CSMD1: variants seen among roughly 807,000 people sequenced by gnomAD.
The protein encoded by CSMD1 is CUB and Sushi multiple domains 1, also known as CUB and sushi domain-containing protein 1.
A neutral mutation model predicts 417.5 loss-of-function variants in CSMD1; 213 were observed. That is an observed-to-expected ratio of 0.51 (90% CI 0.46 to 0.57). The LOEUF (loss-of-function observed/expected upper bound fraction) is 0.57, where lower values mean the gene tolerates loss of function less well. CSMD1 is among the 20% of genes least tolerant of loss of function. The pLI, the probability that CSMD1 is intolerant of heterozygous loss-of-function variation, is 0.00. For synonymous variants in CSMD1, 2,862 were observed against 1,736.8 expected, an observed-to-expected ratio of 1.65 and a Z score of -16.11; for missense variants, 6,923 against 4,529.7, an observed-to-expected ratio of 1.53 and a Z score of -15.17.
At chr8:3,124,962 T>C (rs1016950812) in intron 41 of CSMD1, among the ~76,000 whole-genome samples, 1 of 152,212 alleles carries the variant, frequency 6.6e-6, no homozygotes, top group African/African-American at 2.4e-5. Context: ...TACACTATTT[T>C]TTGGTCTTTG....
intron 49 of CSMD1, among the ~76,000 whole-genome samples, chr8:3,062,891 A>C (rs562418191): frequency 3.5e-4 from 54 of 152,322 alleles, no homozygotes; most frequent in African/African-American, 1.2e-3. Flanking sequence ...AGTGTTGTTC[A>C]AAAGAGACAG....
At chr8:4,815,251 C>T (rs1295995581) in intron 1 of CSMD1, among the ~76,000 whole-genome samples, 2 of 150,812 alleles carry the variant, frequency 1.3e-5, no homozygotes, top group Non-Finnish European at 3.0e-5. Flanking sequence ...CCACAATTAA[C>T]AATTTATTTG....
At chr8:2,954,939 T>C (rs1050130567) in intron 64 of CSMD1, among the ~76,000 whole-genome samples, 1 of 152,144 alleles carries the variant, frequency 6.6e-6, no homozygotes, top group South Asian at 2.1e-4. Flanking sequence ...ACGCCATCAT[T>C]TTTGGTTTAT....
At chr8:4,037,535 A>G (rs1484227684) in intron 3 of CSMD1, among the ~76,000 whole-genome samples, 1 of 152,226 alleles carries the variant, frequency 6.6e-6, no homozygotes, top group East Asian at 1.9e-4. Flanking sequence ...GAATTTGAAA[A>G]ACACAAATCA....
In CSMD1 at chr8:3,412,917, T is replaced by C. The variant is rs142981415; in HGVS notation, c.1562-3312A>G. On this transcript the variant is annotated intron_variant, in intron 12 of 69. Transcript: ENST00000635120. ...AAGAGCTCTTGTTTGTTGTGGGCTC[T>C]CCATTGGGAAGCTGGGCTGGGCGCC... 8.4e-3 allele frequency among the ~76,000 whole-genome samples: 1,275 copies of C among 152,304 alleles called. 8 individuals are homozygous for C. The highest frequency in any genetic ancestry group is 0.014 in the Admixed American group (214 of 15,308).
chr8:3,826,358 G>A (rs949512799), intron 5 of CSMD1, among the ~76,000 whole-genome samples: 8 of 152,222 alleles, frequency 5.3e-5, no homozygotes, highest in South Asian at 2.1e-4. Flanking sequence ...TTTGAAAATT[G>A]CCTCTGATGC....
chr8:4,016,038 T>A (rs984680477), intron 4 of CSMD1, among the ~76,000 whole-genome samples: 8 of 152,182 alleles, frequency 5.3e-5, no homozygotes, highest in Non-Finnish European at 1.2e-4. Context: ...ACATGACATC[T>A]AAGCTCTCAG....
intron 5 of CSMD1, among the ~76,000 whole-genome samples, chr8:3,914,462 T>C (rs554427977): frequency 2.6e-5 from 4 of 152,270 alleles, no homozygotes; most frequent in Admixed American, 6.5e-5. Flanking sequence ...CTAATTATTA[T>C]TATATCATGT....
At chr8:4,198,738 A>T (rs976869173) in intron 3 of CSMD1, among the ~76,000 whole-genome samples, 5 of 152,076 alleles carry the variant, frequency 3.3e-5, no homozygotes, top group Non-Finnish European at 7.4e-5. Flanking sequence ...TTTCTTTGTA[A>T]TCTATACTTT....
chr8:4,306,048 C>A (rs971927187), intron 3 of CSMD1, among the ~76,000 whole-genome samples: 1 of 152,108 alleles, frequency 6.6e-6, no homozygotes, highest in African/African-American at 2.4e-5. Flanking sequence ...TAAGTATGCA[C>A]ATTACTGGAC....
chr8:3,451,136 T>G (rs10111049), intron 12 of CSMD1, among the ~76,000 whole-genome samples: 1 of 152,188 alleles, frequency 6.6e-6, no homozygotes, highest in Non-Finnish European at 1.5e-5. Context: ...TCTGTTCATA[T>G]CCTTCGCCCA....
chr8:4,463,050 A>C (rs898739802), intron 2 of CSMD1, among the ~76,000 whole-genome samples: 1 of 152,186 alleles, frequency 6.6e-6, no homozygotes, highest in Non-Finnish European at 1.5e-5. Context: ...ATAAAATATA[A>C]ATAACTTGCA....
chr8:3,160,990 T>C (rs73491759), intron 38 of CSMD1, among the ~76,000 whole-genome samples: 2,037 of 152,332 alleles, frequency 0.013, 45 homozygotes, highest in African/African-American at 0.043. Flanking sequence ...ACTCTGCATA[T>C]AAGAACATAG....
intron 52 of CSMD1, among the ~76,000 whole-genome samples, chr8:3,007,783 A>AG (rs1284187300): frequency 1.4e-5 from 1 of 69,644 alleles, no homozygotes; most frequent in Non-Finnish European, 2.7e-5. Flanking sequence ...GGGTGGGGGG[A>AG]GGGGGGAGGG....
intron 5 of CSMD1, among the ~76,000 whole-genome samples, chr8:3,970,643 A>G (rs572626477): frequency 6.6e-5 from 10 of 152,354 alleles, no homozygotes; most frequent in African/African-American, 2.4e-4. Context: ...TAGATTTGCT[A>G]GAAACATGAA....
chr8:3,427,743 T>C (rs1158308068), intron 12 of CSMD1, among the ~76,000 whole-genome samples: 2 of 152,220 alleles, frequency 1.3e-5, no homozygotes. Flanking sequence ...TTTAATTTAA[T>C]CAGGCTAATA....
intron 5 of CSMD1, among the ~76,000 whole-genome samples, chr8:3,856,555 G>A (rs775530881): frequency 4.6e-5 from 7 of 152,202 alleles, no homozygotes; most frequent in East Asian, 1.9e-4. Context: ...CACATCATGC[G>A]GCACTGGGGC....
At chr8:4,376,228 C>T (rs997264054) in intron 3 of CSMD1, among the ~76,000 whole-genome samples, 7 of 152,088 alleles carry the variant, frequency 4.6e-5, no homozygotes, top group South Asian at 2.1e-4. Context: ...TCGTTTTTGA[C>T]GTTTTCCTAT....
chr8:3,645,292 A>G (rs570007658), intron 7 of CSMD1, among the ~76,000 whole-genome samples: 1 of 152,346 alleles, frequency 6.6e-6, no homozygotes, highest in East Asian at 1.9e-4. Context: ...TAACACAATG[A>G]ACACAAATGT....
Sources: allele counts gnomAD v4.1 joint callset (sites outside exome capture counted in the v4.1 genomes callset), GRCh38; gene constraint gnomAD v4.1.1; transcripts MANE v1.5; gene names NCBI Gene and HGNC (gene_info 2026-07-23, HGNC 2026-07-21).